Variants in GPC6 observed in about 807,000 individuals in gnomAD.
The protein encoded by GPC6 is glypican 6.
In GPC6, 14 loss-of-function variants were observed where a neutral mutation model predicts 55.2. The ratio of observed to expected loss-of-function variants is 0.25; its 90% CI spans 0.17 to 0.40. The LOEUF is 0.40. Ranked by LOEUF, GPC6 falls within the 10% of genes least tolerant of loss-of-function variation. GPC6 has a pLI of 1.00. For synonymous variants in GPC6, 278 were observed against 259.6 expected (o/e 1.07, Z -0.68); for missense variants, 641 against 708.5 (o/e 0.90, Z 1.08).
chr13:94,256,343 G>C (rs1205847994), intron 4 of GPC6, among the ~76,000 whole-genome samples: 1 of 152,118 alleles, frequency 6.6e-6, no homozygotes, highest in African/African-American at 2.4e-5. Flanking sequence ...AGAATGAGGG[G>C]ACCCTTGAAA....
At chr13:93,308,874 T>C (rs1297698915) in intron 1 of GPC6, among the ~76,000 whole-genome samples, 1 of 152,386 alleles carries the variant, frequency 6.6e-6, no homozygotes. Context: ...ATTTAGTTTA[T>C]TTCAGTGGGA....
chr13:93,342,239 G>T (rs540394612), intron 1 of GPC6, among the ~76,000 whole-genome samples: 1 of 152,062 alleles, frequency 6.6e-6, no homozygotes, highest in South Asian at 2.1e-4. Context: ...ATAGAAGACT[G>T]GGAGAACATA....
intron 5 of GPC6, among the ~76,000 whole-genome samples, chr13:94,286,816 C>T (rs1452304163): frequency 6.6e-6 from 1 of 152,170 alleles, no homozygotes; most frequent in Non-Finnish European, 1.5e-5. Context: ...TCTGCACACC[C>T]TCGCCCTGTT....
At chr13:94,027,120 C>T (rs1032474380) in intron 3 of GPC6, among the ~76,000 whole-genome samples, 1 of 152,104 alleles carries the variant, frequency 6.6e-6, no homozygotes, top group African/African-American at 2.4e-5. Flanking sequence ...TCAGTGGATA[C>T]GTAGCTCCTC....
chr13:93,284,121 T>G (rs1043039131), intron 1 of GPC6, among the ~76,000 whole-genome samples: 1 of 152,220 alleles, frequency 6.6e-6, no homozygotes, highest in Non-Finnish European at 1.5e-5. Context: ...GATTAAAACA[T>G]ATAGTTTATT....
chr13:94,372,740 T>C (rs1253502089), intron 6 of GPC6, among the ~76,000 whole-genome samples: 3 of 152,208 alleles, frequency 2.0e-5, no homozygotes, highest in Non-Finnish European at 4.4e-5. Context: ...CCTGCCTCTG[T>C]AGGCTCCACC....
chr13:94,356,076 G>A lies in GPC6; in HGVS notation c.1153-26338G>A, dbSNP rs1878778201. Reference sequence around the variant, plus strand: ...TAGCTCCATCCATGTCCCTGCAAAGGACATGTCCCTGCAGCTCCATCCATG... The same window carrying A: ...TAGCTCCATCCATGTCCCTGCAAAGAACATGTCCCTGCAGCTCCATCCATG... On this transcript the variant is annotated intron_variant, in intron 6 of 8. Transcript: ENST00000377047. 2.0e-5 allele frequency among the ~76,000 whole-genome samples: 3 copies of A among 151,460 alleles called. No individual in the cohort carries two copies. The South Asian group carries it at 6.3e-4, about 32-fold the overall frequency.
At chr13:94,224,472 T>C (rs1374850074) in intron 4 of GPC6, among the ~76,000 whole-genome samples, 2 of 152,044 alleles carry the variant, frequency 1.3e-5, no homozygotes, top group Non-Finnish European at 2.9e-5. Flanking sequence ...CCATGCATTT[T>C]TTTTACATTA....
At chr13:93,857,610 T>A (rs1049382863) in intron 3 of GPC6, among the ~76,000 whole-genome samples, 1 of 151,602 alleles carries the variant, frequency 6.6e-6, no homozygotes, top group Admixed American at 6.6e-5. Flanking sequence ...AGCTTTAAAT[T>A]GAAATCTATT....
intron 1 of GPC6, among the ~76,000 whole-genome samples, chr13:93,294,909 C>G (rs1478781817): frequency 6.6e-6 from 1 of 151,802 alleles, no homozygotes; most frequent in African/African-American, 2.4e-5. Flanking sequence ...CTCTTTCTCT[C>G]CCACATTCAT....
intron 1 of GPC6, among the ~76,000 whole-genome samples, chr13:93,316,137 C>T (rs1227749945): frequency 1.3e-5 from 2 of 152,032 alleles, no homozygotes; most frequent in South Asian, 2.1e-4. Flanking sequence ...TAAACTGTAC[C>T]CAAATTCTTT....
At chr13:93,763,460 T>C (rs1445959228) in intron 2 of GPC6, among the ~76,000 whole-genome samples, 12 of 152,184 alleles carry the variant, frequency 7.9e-5, no homozygotes, top group African/African-American at 2.7e-4. Context: ...TCTCATATCA[T>C]AGGACTTTGG....
intron 3 of GPC6, among the ~76,000 whole-genome samples, chr13:93,898,091 G>A (rs2140324299): frequency 6.6e-6 from 1 of 152,210 alleles, no homozygotes; most frequent in Non-Finnish European, 1.5e-5. Flanking sequence ...CCATCAGACT[G>A]TCTTTCTTGA....
At chr13:93,947,601 G>A (rs574595770) in intron 3 of GPC6, among the ~76,000 whole-genome samples, 7 of 152,262 alleles carry the variant, frequency 4.6e-5, no homozygotes, top group African/African-American at 1.7e-4. Context: ...CAAAGTTGCT[G>A]TGCCATGTAA....
intron 7 of GPC6, among the ~76,000 whole-genome samples, chr13:94,396,529 G>A (rs1266610942): frequency 6.6e-6 from 1 of 152,220 alleles, no homozygotes; most frequent in African/African-American, 2.4e-5. Context: ...TGCAGTGCAC[G>A]AAATGCCCAA....
Position 93,521,545 on chromosome 13 carries a change from A to G in GPC6, c.161-23718A>G, listed in dbSNP as rs575055674. On this transcript the variant is annotated intron_variant, in intron 1 of 8. Coordinates refer to ENST00000377047, the MANE Select transcript of GPC6 (RefSeq NM_005708.5). The stretch of plus-strand genomic sequence containing the variant: ...ATTAGCCATTGCTTTTACAGTTATC[A>G]CTTTTACTTTGAACTGTCTACAATG... 7.4e-4 allele frequency among the ~76,000 whole-genome samples: 112 copies of G among 152,058 alleles called. No homozygotes were observed. The Middle Eastern group carries it at 0.01, about 14-fold the overall frequency.
At chr13:93,828,760 C>T (rs1887373612) in intron 2 of GPC6, among the ~76,000 whole-genome samples, 1 of 152,006 alleles carries the variant, frequency 6.6e-6, no homozygotes, top group East Asian at 1.9e-4. Context: ...ATGAAAAGTA[C>T]TTTCATTGCT....
chr13:93,791,748 G>C (rs1181156441), intron 2 of GPC6, among the ~76,000 whole-genome samples: 2 of 152,148 alleles, frequency 1.3e-5, no homozygotes, highest in African/African-American at 2.4e-5. Context: ...AGCTTCCAGA[G>C]TGTTTGGAAG....
At chr13:93,322,863 C>T (rs541747546) in intron 1 of GPC6, among the ~76,000 whole-genome samples, 122 of 152,080 alleles carry the variant, frequency 8.0e-4, no homozygotes, top group African/African-American at 2.7e-3. Context: ...TAGGTATACG[C>T]GTGCCATGGT....
Sources: allele counts gnomAD v4.1 joint callset (sites outside exome capture counted in the v4.1 genomes callset), GRCh38; gene constraint gnomAD v4.1.1; transcripts MANE v1.5; gene names NCBI Gene and HGNC (gene_info 2026-07-23, HGNC 2026-07-21).